The following GPC6 variants were observed in gnomAD, a reference collection of about 807,000 sequenced individuals.
GPC6 encodes the protein glypican 6.
GPC6 carries 14 observed loss-of-function variants against 55.2 expected under a neutral mutation model. That is an observed-to-expected ratio of 0.25 (90% confidence interval 0.17 to 0.40). The LOEUF (loss-of-function observed/expected upper bound fraction) is 0.40, where lower values mean the gene tolerates loss of function less well. Ranked by LOEUF, GPC6 falls within the 10% of genes least tolerant of loss-of-function variation. The probability of loss-of-function intolerance (pLI) is 1.00; values close to 1 mark genes in which losing one functional copy is unlikely to be tolerated. For synonymous variants in GPC6, 278 were observed against 259.6 expected (o/e 1.07, Z -0.68); for missense variants, 641 against 708.5 (o/e 0.90, Z 1.08).
chr13:94,120,181 G>A (rs1407719973), intron 4 of GPC6, among the ~76,000 whole-genome samples: 4 of 151,864 alleles, frequency 2.6e-5, no homozygotes, highest in South Asian at 2.1e-4. Flanking sequence ...GGATTTCCTC[G>A]GAGTGAGGGC....
rs552662815 is a variant in GPC6, at chr13:94,401,800, C to T, written c.1466-1215C>T. Among the ~76,000 whole-genome samples, 16 of 152,208 alleles carry T rather than the reference C, an allele frequency of 1.1e-4. 1 individual carries two copies. The South Asian group carries it at 3.1e-3, about 30-fold the overall frequency. On this transcript the variant is annotated intron_variant, in intron 8 of 8. Coordinates refer to ENST00000377047, the MANE Select transcript of GPC6 (RefSeq NM_005708.5). ...CTATAAAAACCACCAGGTACAGAGG[C>T]ACATGCCTATAGTCCCAGCTACTTA...
At chr13:93,771,246 A>G (rs1475958673) in intron 2 of GPC6, among the ~76,000 whole-genome samples, 1 of 152,162 alleles carries the variant, frequency 6.6e-6, no homozygotes, top group Non-Finnish European at 1.5e-5. Flanking sequence ...ACAACCCAAC[A>G]AGGCCCACTC....
chr13:93,245,365 A>G (rs897266069), intron 1 of GPC6, among the ~76,000 whole-genome samples: 1 of 152,030 alleles, frequency 6.6e-6, no homozygotes. Flanking sequence ...TCCTTCCTTC[A>G]TTCTTTCCCT....
At chr13:93,251,736 C>T (rs1344402889) in intron 1 of GPC6, among the ~76,000 whole-genome samples, 1 of 152,146 alleles carries the variant, frequency 6.6e-6, no homozygotes, top group Non-Finnish European at 1.5e-5. Flanking sequence ...ATTCCTTGTT[C>T]AGCAACAGGG....
intron 2 of GPC6, among the ~76,000 whole-genome samples, chr13:93,757,970 G>A (rs1408650021): frequency 6.6e-6 from 1 of 152,150 alleles, no homozygotes; most frequent in African/African-American, 2.4e-5. Context: ...CTAAAGTTGT[G>A]CTATTCTAAA....
chr13:94,287,773 G>A (rs1039831134), intron 5 of GPC6, among the ~76,000 whole-genome samples: 3 of 152,082 alleles, frequency 2.0e-5, no homozygotes, highest in Admixed American at 6.6e-5. Flanking sequence ...TCAAATCTAT[G>A]CCTAGAAACC....
At chr13:94,282,016 A>G (rs1003091594) in intron 4 of GPC6, among the ~76,000 whole-genome samples, 1 of 152,350 alleles carries the variant, frequency 6.6e-6, no homozygotes, top group Admixed American at 6.5e-5. Flanking sequence ...CCTGTCAAAC[A>G]AAAAGGGGAA....
chr13:93,869,752 A>G (rs528125728), intron 3 of GPC6, among the ~76,000 whole-genome samples: 12 of 151,888 alleles, frequency 7.9e-5, no homozygotes, highest in African/African-American at 2.4e-4. Context: ...ACTGAGGGGT[A>G]TTTTCTACAG....
At chr13:94,363,617 C>G (rs144764073) in intron 6 of GPC6, among the ~76,000 whole-genome samples, 1 of 152,284 alleles carries the variant, frequency 6.6e-6, no homozygotes, top group African/African-American at 2.4e-5. Flanking sequence ...CATGCTCAAC[C>G]CCTCTCAGTA....
chr13:94,257,347 C>T (rs1891537003), intron 4 of GPC6, among the ~76,000 whole-genome samples: 1 of 152,184 alleles, frequency 6.6e-6, no homozygotes, highest in African/African-American at 2.4e-5. Context: ...TGAAGAACAG[C>T]AAATCTGTCA....
chr13:93,934,459 C>T (rs537509123), intron 3 of GPC6, among the ~76,000 whole-genome samples: 2 of 151,990 alleles, frequency 1.3e-5, no homozygotes, highest in Non-Finnish European at 2.9e-5. Context: ...GAGGTAAAAT[C>T]CCCTTAAGTA....
intron 1 of GPC6, among the ~76,000 whole-genome samples, chr13:93,382,573 C>G (rs1294323358): frequency 1.3e-5 from 2 of 152,054 alleles, no homozygotes; most frequent in South Asian, 4.1e-4. Flanking sequence ...TGCAATAGTG[C>G]TAAGGAAAAG....
intron 2 of GPC6, among the ~76,000 whole-genome samples, chr13:93,597,954 T>A (rs1336005529): frequency 6.6e-6 from 1 of 151,798 alleles, no homozygotes; most frequent in Non-Finnish European, 1.5e-5. Context: ...GACCATCCTG[T>A]CCAACATGGT....
intron 2 of GPC6, among the ~76,000 whole-genome samples, chr13:93,582,437 G>A (rs562442819): frequency 2.0e-5 from 3 of 152,066 alleles, no homozygotes; most frequent in Admixed American, 1.3e-4. Flanking sequence ...TCAAAATTTT[G>A]TTAAGCAAAT....
chr13:93,909,274 A>G (rs1021327874), intron 3 of GPC6, among the ~76,000 whole-genome samples: 1 of 152,306 alleles, frequency 6.6e-6, no homozygotes, highest in East Asian at 1.9e-4. Flanking sequence ...AGTAAAACAT[A>G]AATTATAATA....
At position 93,899,640 on chromosome 13, in the gene GPC6, G is replaced by A. The variant is rs7334979; in HGVS notation, c.711+69095G>A. ...GGAAATTTGGAAAGGGAAATGGTTGGCAGTACAATTTTAATGAAGAAGCAC... is the reference window on the plus strand; with the variant it reads ...GGAAATTTGGAAAGGGAAATGGTTGACAGTACAATTTTAATGAAGAAGCAC... On this transcript the variant is annotated intron_variant, in intron 3 of 8. Transcript: ENST00000377047. 4.6e-3 allele frequency among the ~76,000 whole-genome samples: 703 copies of A among 152,116 alleles called. 8 individuals carry two copies. Among genetic ancestry groups the A allele is most frequent in the African/African-American group, 0.016 (674 of 41,502 alleles).
chr13:93,439,724 C>A (rs59377460), intron 1 of GPC6, among the ~76,000 whole-genome samples: 86 of 149,570 alleles, frequency 5.7e-4, no homozygotes, highest in African/African-American at 2.1e-3. Flanking sequence ...TAAAATAAAA[C>A]ACCAAGCTTC....
chr13:93,285,493 G>T (rs1206013928), intron 1 of GPC6, among the ~76,000 whole-genome samples: 1 of 151,944 alleles, frequency 6.6e-6, no homozygotes, highest in East Asian at 1.9e-4. Flanking sequence ...ACAAATCATG[G>T]TTTTGTTTAT....
chr13:93,233,620 GA>G (rs1876137121), intron 1 of GPC6, among the ~76,000 whole-genome samples: 1 of 152,194 alleles, frequency 6.6e-6, no homozygotes, highest in Non-Finnish European at 1.5e-5. Flanking sequence ...CTGGCACTGT[GA>G]AAGCATTTTA....
Sources: allele counts gnomAD v4.1 joint callset (sites outside exome capture counted in the v4.1 genomes callset), GRCh38; gene constraint gnomAD v4.1.1; transcripts MANE v1.5; gene names NCBI Gene and HGNC (gene_info 2026-07-23, HGNC 2026-07-21).